Variants in DCLK2 observed in about 807,000 individuals in gnomAD.
The protein encoded by DCLK2 is serine/threonine-protein kinase DCLK2.
In DCLK2, 31 loss-of-function variants were observed where a neutral mutation model predicts 78.4. The ratio of observed to expected loss-of-function variants is 0.40; its 90% CI spans 0.30 to 0.53. The LOEUF is 0.53. Among genes scored for constraint, DCLK2 ranks in the 20% least tolerant of loss-of-function variants. The probability of loss-of-function intolerance (pLI) is 0.61; values close to 1 mark genes in which losing one functional copy is unlikely to be tolerated. For synonymous variants in DCLK2, 407 were observed against 374.9 expected (o/e 1.09, Z -0.99); for missense variants, 872 against 973.7 (o/e 0.90, Z 1.39).
chr4:150,226,724 G>A (rs1470575841), intron 8 of DCLK2, among the ~76,000 whole-genome samples: 1 of 152,058 alleles, frequency 6.6e-6, no homozygotes, highest in East Asian at 1.9e-4. Flanking sequence ...TATAATGCAT[G>A]ATCAAATATT....
rs1056837678 is a variant in DCLK2, at chr4:150,151,361, A to T, written c.757-41777A>T. On this transcript the variant is annotated intron_variant, in intron 2 of 15. Transcript: ENST00000296550. ...AAGCCCATGGAAGAGTGAAATCTTC[A>T]CATCACATATTGGGACAGCCAATTA... Among the ~76,000 whole-genome samples, 5 of 152,352 alleles carry T rather than the reference A, an allele frequency of 3.3e-5. 1 individual carries two copies. In the East Asian group the frequency reaches 9.7e-4, roughly 29 times the overall value.
In DCLK2 at chr4:150,223,191, C is replaced by A. The variant is rs190469545; in HGVS notation, c.1242-1310C>A. 2.0e-5 allele frequency among the ~76,000 whole-genome samples: 3 copies of A among 152,288 alleles called. No homozygotes were observed. The East Asian group carries it at 5.8e-4, about 29-fold the overall frequency. ...ACTGCCACCTAAGTAACAAAGTAAG[C>A]ATCTAAAGTATGACTTTTAAAGACT... is the stretch of plus-strand genomic sequence containing the variant. On this transcript the variant is annotated intron_variant, in intron 7 of 15. Coordinates refer to ENST00000296550, the MANE Select transcript of DCLK2 (RefSeq NM_001040260.4).
chr4:150,203,064 C>T (rs1008495186), intron 4 of DCLK2, among the ~76,000 whole-genome samples: 4 of 152,048 alleles, frequency 2.6e-5, no homozygotes, highest in Admixed American at 2.6e-4. Flanking sequence ...CTACATAATT[C>T]TAGCATAGGA....
chr4:150,165,329 C>T (rs561724269), intron 2 of DCLK2, among the ~76,000 whole-genome samples: 27 of 152,220 alleles, frequency 1.8e-4, no homozygotes, highest in African/African-American at 5.3e-4. Context: ...AAATGCCATG[C>T]GTGTTTGCTA....
At chr4:150,175,012 AT>A (rs1176682982) in intron 2 of DCLK2, among the ~76,000 whole-genome samples, 241 of 5,884 alleles carry the variant, frequency 0.041, 48 homozygotes, top group African/African-American at 0.069. Flanking sequence ...AAAAAAAAAA[AT>A]ATATATATAT....
intron 3 of DCLK2, among the ~76,000 whole-genome samples, chr4:150,196,828 T>C (rs1739073759): frequency 6.6e-6 from 1 of 152,206 alleles, no homozygotes; most frequent in South Asian, 2.1e-4. Context: ...TAAATATTAT[T>C]TTATTTGGTG....
intron 2 of DCLK2, among the ~76,000 whole-genome samples, chr4:150,119,170 C>T (rs1375197805): frequency 6.6e-6 from 1 of 152,094 alleles, no homozygotes; most frequent in Non-Finnish European, 1.5e-5. Context: ...CCGTACTCTT[C>T]CATGTTGTTG....
intron 1 of DCLK2, among the ~76,000 whole-genome samples, chr4:150,082,439 A>G (rs1472307781): frequency 2.6e-5 from 4 of 152,202 alleles, no homozygotes; most frequent in Admixed American, 6.5e-5. Flanking sequence ...AGAAATTTGC[A>G]TGGCCCAAAT....
chr4:150,171,617 G>A (rs1736536629), intron 2 of DCLK2, among the ~76,000 whole-genome samples: 1 of 152,254 alleles, frequency 6.6e-6, no homozygotes, highest in South Asian at 2.1e-4. Context: ...AGGGATTGTA[G>A]TGTTAACTGG....
chr4:150,141,311 C>T (rs1046595123), intron 2 of DCLK2, among the ~76,000 whole-genome samples: 6 of 152,228 alleles, frequency 3.9e-5, no homozygotes, highest in African/African-American at 1.4e-4. Flanking sequence ...GAGTTTGGCA[C>T]TTGGATAGTT....
chr4:150,177,879 G>C (rs1737203751), intron 2 of DCLK2, among the ~76,000 whole-genome samples: 1 of 152,192 alleles, frequency 6.6e-6, no homozygotes, highest in Admixed American at 6.5e-5. Context: ...ATGCTTGACA[G>C]AATTGTCCTG....
At chr4:150,143,736 A>G (rs1734262159) in intron 2 of DCLK2, among the ~76,000 whole-genome samples, 1 of 152,154 alleles carries the variant, frequency 6.6e-6, no homozygotes, top group Non-Finnish European at 1.5e-5. Flanking sequence ...ACTTTCTAAT[A>G]GTAGCCATTC....
chr4:150,143,435 G>C (rs1734241649), intron 2 of DCLK2, among the ~76,000 whole-genome samples: 1 of 152,126 alleles, frequency 6.6e-6, no homozygotes, highest in South Asian at 2.1e-4. Context: ...CGAGAGCCCA[G>C]GAGTTCCAGA....
rs567823866 is a variant in DCLK2, at chr4:150,235,190, T to C, written c.1566+2362T>C. On this transcript the variant is annotated intron_variant, in intron 10 of 15. Transcript: ENST00000296550. The stretch of plus-strand genomic sequence containing the variant: ...ACTGAGGTGCTTGTGAGCTTCCCTA[T>C]AAACCAGGGAGTCCATTTCCCAGCT... Among the ~76,000 whole-genome samples, 6 of 152,320 alleles carry C rather than the reference T, an allele frequency of 3.9e-5. No individual in the cohort carries two copies. The East Asian group carries it at 1.2e-3, about 29-fold the overall frequency.
chr4:150,167,259 C>T (rs2150252672), intron 2 of DCLK2, among the ~76,000 whole-genome samples: 1 of 152,296 alleles, frequency 6.6e-6, no homozygotes, highest in East Asian at 1.9e-4. Flanking sequence ...TGGGCTGTTG[C>T]AGTAGTTATG....
intron 2 of DCLK2, among the ~76,000 whole-genome samples, chr4:150,110,935 A>G (rs560228180): frequency 2.6e-5 from 4 of 152,312 alleles, no homozygotes; most frequent in East Asian, 3.9e-4. Context: ...GAATTGTGCT[A>G]TGATAAACAT....
chr4:150,220,082 G>A (rs940484612), intron 5 of DCLK2, among the ~76,000 whole-genome samples: 2 of 152,288 alleles, frequency 1.3e-5, no homozygotes, highest in African/African-American at 2.4e-5. Context: ...GGTGGTGGCC[G>A]TGGGTGGGGA....
chr4:150,143,941 G>A (rs1734278655), intron 2 of DCLK2, among the ~76,000 whole-genome samples: 1 of 151,832 alleles, frequency 6.6e-6, no homozygotes, highest in South Asian at 2.1e-4. Context: ...CTGGATATTA[G>A]TCGTTTGCCA....
chr4:150,151,312 G>A (rs1210431468), intron 2 of DCLK2, among the ~76,000 whole-genome samples: 1 of 152,094 alleles, frequency 6.6e-6, no homozygotes, highest in Admixed American at 6.5e-5. Flanking sequence ...ATGGGTCTGG[G>A]GAAGCATCCT....
Sources: gnomAD v4.1 joint callset for allele counts (sites outside exome capture counted in the v4.1 genomes callset) on GRCh38, gnomAD v4.1.1 for gene constraint, MANE v1.5 for transcripts, NCBI Gene and HGNC (gene_info 2026-07-23, HGNC 2026-07-21) for gene names.